The following KAZN variants were observed in gnomAD, a reference collection of about 807,000 sequenced individuals.
KAZN encodes kazrin.
Under a neutral mutation model 87.4 loss-of-function variants are expected in KAZN, and 40 were observed. The ratio of observed to expected loss-of-function variants is 0.46; its 90% confidence interval spans 0.36 to 0.60. The LOEUF (loss-of-function observed/expected upper bound fraction) is 0.60. KAZN is among the 20% of genes least tolerant of loss of function. The pLI is 0.00. For missense variants in KAZN, 898 were observed against 1,073.9 expected, an observed-to-expected ratio of 0.84 and a Z score of 2.29; for synonymous variants, 466 against 458.3, an observed-to-expected ratio of 1.02 and a Z score of -0.22.
chr1:14,015,616 G>C (rs1640534354), intron 1 of KAZN, among the ~76,000 whole-genome samples: 1 of 147,650 alleles, frequency 6.8e-6, no homozygotes, highest in African/African-American at 2.5e-5. Flanking sequence ...GAGTAGCTGG[G>C]ATTACAGGTG....
In KAZN at chr1:14,884,799, C is replaced by T. The variant is rs546253424; in HGVS notation, c.227-75885C>T. ...GTGAATAGCCAGAGGCTGGCCCATC[C>T]TCTCGCCTTCCCCCACACAGTTTTT... On this transcript the variant is annotated intron_variant, in intron 1 of 14. Transcript: ENST00000376030. Among the ~76,000 whole-genome samples, 7 of 152,340 alleles carry T rather than the reference C, an allele frequency of 4.6e-5. 1 individual carries two copies. The East Asian group carries it at 1.2e-3, about 25-fold the overall frequency.
chr1:14,829,730 A>G (rs2100869898), intron 1 of KAZN, among the ~76,000 whole-genome samples: 1 of 152,350 alleles, frequency 6.6e-6, no homozygotes, highest in Admixed American at 6.5e-5. Context: ...ATTGTCAAAG[A>G]AGCGTGACAA....
intron 1 of KAZN, among the ~76,000 whole-genome samples, chr1:13,973,035 C>T (rs554629997): frequency 1.6e-4 from 25 of 152,294 alleles, no homozygotes; most frequent in Admixed American, 3.3e-4. Flanking sequence ...TTCTTTTTCT[C>T]ATTTTCCCTC....
chr1:14,167,403 A>T (rs577969250), intron 1 of KAZN, among the ~76,000 whole-genome samples: 2 of 152,300 alleles, frequency 1.3e-5, no homozygotes, highest in African/African-American at 4.8e-5. Context: ...TAATTTAAAA[A>T]TCAAGGCTAA....
intron 2 of KAZN, among the ~76,000 whole-genome samples, chr1:14,428,622 C>T (rs890804428): frequency 3.9e-5 from 6 of 152,178 alleles, no homozygotes; most frequent in Non-Finnish European, 5.9e-5. Context: ...GTTTAATTGA[C>T]TCACAGTCCA....
intron 4 of KAZN, among the ~76,000 whole-genome samples, chr1:15,048,725 T>TGGTCATGGGTCGTC (rs1673918548): frequency 7.6e-6 from 1 of 131,990 alleles, no homozygotes. Flanking sequence ...CCTGGGTCGT[T>TGGTCATGGGTCGTC]GGTCATGGGT....
chr1:14,654,967 G>A (rs1638694548), intron 1 of KAZN, among the ~76,000 whole-genome samples: 1 of 152,208 alleles, frequency 6.6e-6, no homozygotes, highest in Non-Finnish European at 1.5e-5. Flanking sequence ...AGTAGCTGGG[G>A]GGCCCACTGA....
At chr1:14,551,104 C>G (rs911420301) in intron 2 of KAZN, among the ~76,000 whole-genome samples, 1 of 152,104 alleles carries the variant, frequency 6.6e-6, no homozygotes, top group Non-Finnish European at 1.5e-5. Context: ...ACATATACTA[C>G]AAATACGCAA....
chr1:14,969,620 T>A (rs1244198094), intron 2 of KAZN, among the ~76,000 whole-genome samples: 1 of 152,182 alleles, frequency 6.6e-6, no homozygotes, highest in Non-Finnish European at 1.5e-5. Flanking sequence ...CCTTAAAGGC[T>A]TCTTAGACTC....
At chr1:14,399,217 A>C (rs1459096840) in intron 2 of KAZN, among the ~76,000 whole-genome samples, 1 of 151,674 alleles carries the variant, frequency 6.6e-6, no homozygotes, top group African/African-American at 2.4e-5. Context: ...AGGTCTCACT[A>C]TGTTGCGCAG....
chr1:14,066,835 AC>A, intron 1 of KAZN, among the ~76,000 whole-genome samples: 1 of 152,188 alleles, frequency 6.6e-6, no homozygotes, highest in Non-Finnish European at 1.5e-5. Flanking sequence ...AGGCACAGAA[AC>A]AGTGGAGAAC....
chr1:14,025,374 T>A (rs780898523), intron 1 of KAZN, among the ~76,000 whole-genome samples: 2 of 152,208 alleles, frequency 1.3e-5, no homozygotes, highest in Non-Finnish European at 2.9e-5. Context: ...TGAGGCTAGA[T>A]TCTAGCTCCT....
chr1:15,090,104 T>C (rs910295135), intron 8 of KAZN, among the ~76,000 whole-genome samples: 18 of 152,222 alleles, frequency 1.2e-4, no homozygotes, highest in African/African-American at 4.3e-4. Flanking sequence ...CATTTCAAGC[T>C]ACGAGGCAGA....
At chr1:14,556,360 C>T (rs965582660) in intron 2 of KAZN, among the ~76,000 whole-genome samples, 2 of 152,078 alleles carry the variant, frequency 1.3e-5, no homozygotes, top group Non-Finnish European at 2.9e-5. Context: ...CCACACGCCT[C>T]GGCCACCCAA....
intron 1 of KAZN, among the ~76,000 whole-genome samples, chr1:14,135,342 G>A (rs905452234): frequency 4.6e-5 from 7 of 152,162 alleles, no homozygotes; most frequent in African/African-American, 1.4e-4. Flanking sequence ...AAAGTCAGCC[G>A]AATAGCTGGT....
chr1:13,918,226 T>C (rs1207719776), intron 1 of KAZN, among the ~76,000 whole-genome samples: 3 of 152,216 alleles, frequency 2.0e-5, no homozygotes, highest in Non-Finnish European at 4.4e-5. Flanking sequence ...CTAGATGCTA[T>C]TAAGAACATT....
intron 2 of KAZN, among the ~76,000 whole-genome samples, chr1:14,334,124 G>A (rs554394396): frequency 3.9e-5 from 6 of 152,052 alleles, no homozygotes; most frequent in East Asian, 3.9e-4. Flanking sequence ...CTAGCACTTC[G>A]GGAGGCCAAG....
At chr1:14,677,088 T>G (rs1414074042) in intron 1 of KAZN, among the ~76,000 whole-genome samples, 1 of 152,170 alleles carries the variant, frequency 6.6e-6, no homozygotes, top group African/African-American at 2.4e-5. Context: ...GTGCCAACTG[T>G]GTGCCCAGCA....
At chr1:14,765,804 T>G (rs1356277671) in intron 1 of KAZN, among the ~76,000 whole-genome samples, 1 of 152,080 alleles carries the variant, frequency 6.6e-6, no homozygotes, top group African/African-American at 2.4e-5. Flanking sequence ...GTGGTCTTGG[T>G]GGAACACAGG....
Sources: gnomAD v4.1 joint callset for allele counts (sites outside exome capture counted in the v4.1 genomes callset) on GRCh38, gnomAD v4.1.1 for gene constraint, MANE v1.5 for transcripts, NCBI Gene and HGNC (gene_info 2026-07-23, HGNC 2026-07-21) for gene names.